The following PARN variants were observed in gnomAD, a reference collection of about 807,000 sequenced individuals.
PARN encodes poly(A)-specific ribonuclease PARN.
PARN carries 71 observed loss-of-function variants against 102.8 expected under a neutral mutation model. The observed-to-expected ratio is 0.69, with a 90% CI of 0.57 to 0.84. PARN has a LOEUF of 0.84. PARN is among the 40% of genes least tolerant of loss of function. The pLI is 0.00. For synonymous variants in PARN, 261 were observed against 252.9 expected (o/e 1.03, Z -0.30); for missense variants, 782 against 760.9 (o/e 1.03, Z -0.33).
intron 22 of PARN, among the ~76,000 whole-genome samples, chr16:14,449,589 G>C (rs1256854620): frequency 2.0e-5 from 3 of 152,106 alleles, no homozygotes; most frequent in Admixed American, 1.3e-4. Context: ...GGAAATATCT[G>C]CAACATGTAT....
chr16:14,483,297 C>T (rs1963480675), intron 21 of PARN, among the ~76,000 whole-genome samples: 1 of 152,156 alleles, frequency 6.6e-6, no homozygotes, highest in African/African-American at 2.4e-5. Flanking sequence ...CTGAAGATCT[C>T]CGGTATGTCT....
chr16:14,549,773 C>T (rs764670547), intron 21 of PARN, among the ~76,000 whole-genome samples: 2 of 152,220 alleles, frequency 1.3e-5, no homozygotes, highest in African/African-American at 2.4e-5. Flanking sequence ...TTACCTACCA[C>T]GGGTCAAGCA....
intron 18 of PARN, among the ~76,000 whole-genome samples, chr16:14,570,813 T>TA (rs1968760555): frequency 2.2e-5 from 1 of 45,004 alleles, no homozygotes; most frequent in Admixed American, 2.8e-4. Flanking sequence ...CCCCCACCTC[T>TA]ACAAAAAAAA....
chr16:14,610,750 GTTTT>G lies in PARN; in HGVS notation c.444_447del (p.Glu148AspfsTer37). ...GCTCCTGCACCATTCGCCTGTGAAC[GTTTT>G]TCATCATACTGCTCTCTTAACTGTC... is the stretch of plus-strand genomic sequence containing the variant. On this transcript the variant is annotated frameshift_variant, in exon 7 of 24. Coordinates refer to ENST00000437198, the MANE Select transcript of PARN (RefSeq NM_002582.4). LOFTEE classifies it high-confidence loss of function. 2 of 1,609,642 alleles carry G rather than the reference GTTTT, an allele frequency of 1.2e-6. No homozygotes were observed. The highest frequency in any genetic ancestry group is 1.7e-6 in the Non-Finnish European group (2 of 1,175,998).
chr16:14,581,704 G>T (rs567158569), intron 17 of PARN, among the ~76,000 whole-genome samples: 1 of 152,088 alleles, frequency 6.6e-6, no homozygotes, highest in Non-Finnish European at 1.5e-5. Flanking sequence ...AGGATCACTT[G>T]AGCCCAGAAA....
At chr16:14,496,223 T>C (rs914563912) in intron 21 of PARN, among the ~76,000 whole-genome samples, 11 of 152,222 alleles carry the variant, frequency 7.2e-5, no homozygotes, top group Non-Finnish European at 1.5e-4. Flanking sequence ...CGCATGCTTC[T>C]GATGACAACT....
At chr16:14,617,704 A>G (rs1972016088) in intron 5 of PARN, 54 bp from the exon 6 acceptor site, 1 of 1,026,328 alleles carries the variant, frequency 9.7e-7, no homozygotes, top group South Asian at 1.3e-5. Flanking sequence ...GCAGGAATAT[A>G]AAGAGATGCA....
chr16:14,581,814 G>A (rs994981921), intron 17 of PARN, among the ~76,000 whole-genome samples: 1 of 152,170 alleles, frequency 6.6e-6, no homozygotes, highest in Non-Finnish European at 1.5e-5. Flanking sequence ...CCAGCTACTT[G>A]GGAGGCTGAG....
intron 6 of PARN, among the ~76,000 whole-genome samples, chr16:14,613,281 C>T (rs1971635410): frequency 1.3e-5 from 2 of 149,362 alleles, no homozygotes; most frequent in Non-Finnish European, 3.0e-5. Flanking sequence ...TCCACTCCAG[C>T]CTGGGCAACA....
intron 18 of PARN, among the ~76,000 whole-genome samples, chr16:14,557,010 T>C (rs1316151130): frequency 6.6e-6 from 1 of 152,202 alleles, no homozygotes; most frequent in African/African-American, 2.4e-5. Flanking sequence ...AAGGCACTTA[T>C]AAAAGAGTGC....
chr16:14,557,557 CAA>C (rs751028710), intron 18 of PARN, among the ~76,000 whole-genome samples: 13 of 36,496 alleles, frequency 3.6e-4, no homozygotes, highest in East Asian at 3.1e-3. Context: ...AACTCTGCCT[CAA>C]AAAAAAAAAA....
intron 21 of PARN, among the ~76,000 whole-genome samples, chr16:14,505,471 G>A (rs548201334): frequency 1.3e-5 from 2 of 151,620 alleles, no homozygotes; most frequent in Admixed American, 6.6e-5. Context: ...GCAAGATCTC[G>A]TCTCTTAAAA....
intron 18 of PARN, among the ~76,000 whole-genome samples, chr16:14,573,642 C>T (rs1968941705): frequency 2.0e-5 from 3 of 152,152 alleles, no homozygotes; most frequent in Admixed American, 2.0e-4. Flanking sequence ...TCTCACAATT[C>T]CTACATGTTG....
At chr16:14,488,164 C>T (rs1963828416) in intron 21 of PARN, among the ~76,000 whole-genome samples, 1 of 151,920 alleles carries the variant, frequency 6.6e-6, no homozygotes, top group South Asian at 2.1e-4. Flanking sequence ...AAAGGAAAAG[C>T]TGGAAAAATT....
At chr16:14,547,974 G>A (rs1967062760) in intron 21 of PARN, among the ~76,000 whole-genome samples, 3 of 152,164 alleles carry the variant, frequency 2.0e-5, no homozygotes, top group African/African-American at 4.8e-5. Context: ...GCCGGGCGCG[G>A]TGGCTCATGC....
At chr16:14,567,879 C>A (rs1968524728) in intron 18 of PARN, among the ~76,000 whole-genome samples, 1 of 152,180 alleles carries the variant, frequency 6.6e-6, no homozygotes, top group African/African-American at 2.4e-5. Context: ...TCACTTACAA[C>A]CCAACTTTGC....
chr16:14,513,984 C>G (rs968536660), intron 21 of PARN, among the ~76,000 whole-genome samples: 1 of 152,108 alleles, frequency 6.6e-6, no homozygotes, highest in Non-Finnish European at 1.5e-5. Context: ...TGCATTAATT[C>G]AACAAACATT....
intron 20 of PARN, 78 bp downstream of exon 20, chr16:14,553,987 A>C (rs2151708380): frequency 2.3e-6 from 2 of 880,988 alleles, no homozygotes; most frequent in South Asian, 3.1e-5. Context: ...CGCAGGCCAA[A>C]ACTATCTTTC....
intron 22 of PARN, among the ~76,000 whole-genome samples, chr16:14,447,938 T>TTATCTATCTATCTATC (rs10539138): frequency 1.0e-4 from 15 of 148,064 alleles, no homozygotes; most frequent in Non-Finnish European, 1.6e-4. Flanking sequence ...CTTTTAAATT[T>TTATCTATCTATCTATC]TATCTATCTA....
Sources: gnomAD v4.1 joint callset for allele counts (sites outside exome capture counted in the v4.1 genomes callset) on GRCh38, gnomAD v4.1.1 for gene constraint, MANE v1.5 for transcripts, NCBI Gene and HGNC (gene_info 2026-07-23, HGNC 2026-07-21) for gene names.